The following C1orf94 variants were observed in gnomAD, a reference collection of about 807,000 sequenced individuals.
C1orf94 encodes the protein chromosome 1 open reading frame 94.
C1orf94 carries 45 observed loss-of-function variants against 53.6 expected under a neutral mutation model. The ratio of observed to expected loss-of-function variants is 0.84; its 90% CI spans 0.66 to 1.08. C1orf94 has a LOEUF of 1.08. Among genes scored for constraint, C1orf94 ranks in the 50% least tolerant of loss-of-function variants. The probability of loss-of-function intolerance (pLI) is 0.00; values close to 1 mark genes in which losing one functional copy is unlikely to be tolerated. For missense variants in C1orf94, 762 were observed against 738.9 expected (o/e 1.03, Z -0.36); for synonymous variants, 304 against 296.1 (o/e 1.03, Z -0.27).
upstream of C1orf94, among the ~76,000 whole-genome samples, chr1:34,175,202 T>A (rs6669240): frequency 0.17 from 25,980 of 151,054 alleles, 2,803 homozygotes; most frequent in East Asian, 0.51. Context: ...TTTTTTTTTT[T>A]TTTTTTTTGC....
Position 34,218,803 on chromosome 1 carries a change from G to T in C1orf94, c.*42G>T, listed in dbSNP as rs867875214. 1 of 1,511,144 alleles carries T rather than the reference G, an allele frequency of 6.6e-7. No individual in the cohort carries two copies. The highest frequency in any genetic ancestry group is 9.0e-7 in the Non-Finnish European group (1 of 1,112,232). The allele number at this position is 1,511,144 out of a possible 1,614,324, so 93.6% of individuals were successfully genotyped here. On this transcript the variant is annotated 3_prime_UTR_variant, in exon 7 of 7. Transcript: ENST00000488417. ...TCTCCTCCCTTAGCCCTTGGATCAG[G>T]ACTAGGGGCTCTGATTTTTGGATTC...
At chr1:34,208,509 G>A (rs1160934074) in intron 5 of C1orf94, among the ~76,000 whole-genome samples, 2 of 152,232 alleles carry the variant, frequency 1.3e-5, no homozygotes, top group African/African-American at 4.8e-5. Context: ...AAATTACCCT[G>A]TGAGGTAGGT....
At chr1:34,175,190 ATTTT>A (rs10608833), upstream of C1orf94, among the ~76,000 whole-genome samples, 171 of 133,286 alleles carry the variant, frequency 1.3e-3, 1 homozygote, top group African/African-American at 3.4e-3. Context: ...GCTGTATTTG[ATTTT>A]TTTTTTTTTT....
intron 1 of C1orf94, among the ~76,000 whole-genome samples, chr1:34,187,777 C>CCT (rs1642408089): frequency 1.7e-5 from 1 of 58,786 alleles, no homozygotes; most frequent in Non-Finnish European, 3.6e-5. Context: ...CCACCCCCCC[C>CCT]CCCCCGCCGC....
Position 34,183,173 on chromosome 1 carries a change from G to T in C1orf94, c.320+5064G>T, listed in dbSNP as rs549236192. On this transcript the variant is annotated intron_variant, in intron 1 of 6. Transcript: ENST00000488417. ...AAGAAATGGGGAGCAATGGGTTTTG[G>T]GGGAGAAATCAATAGTTCTGTCTAG... Among the ~76,000 whole-genome samples, 14 of 152,324 alleles carry T rather than the reference G, an allele frequency of 9.2e-5. No individual in the cohort carries two copies. In the South Asian group the frequency reaches 1.0e-3, roughly 11 times the overall value.
rs759779250 is a variant in C1orf94 at position 34,201,021 on chromosome 1, C to T, written c.1259C>T (p.Pro420Leu). 16 of 1,593,380 alleles carry T rather than the reference C, an allele frequency of 1.0e-5. No individual in the cohort carries two copies. In the East Asian group the frequency reaches 1.1e-4, roughly 11 times the overall value. The change falls in exon 3 of 7, where the codon CCG (proline) becomes CTG (leucine). Residue 420 changes from proline (P) to leucine (L), a missense_variant. Physicochemically the swap from Pro to Leu is moderately conservative, Grantham distance 98 (BLOSUM62 -3). Transcript: ENST00000488417. ...RLRNKVEVDGPELKFNAPVTV... is the reference protein window; with the variant it reads ...RLRNKVEVDGLELKFNAPVTV... ...CGAAACAAAGTGGAAGTGGATGGGCCGGAGCTGAAATGTGAGCTGACCTAC... is the reference window on the plus strand; with the variant it reads ...CGAAACAAAGTGGAAGTGGATGGGCTGGAGCTGAAATGTGAGCTGACCTAC...
chr1:34,189,001 T>C (rs921466941), intron 1 of C1orf94, among the ~76,000 whole-genome samples: 1 of 152,126 alleles, frequency 6.6e-6, no homozygotes, highest in Admixed American at 6.5e-5. Context: ...TCCTGCTGGT[T>C]TTCCAAGCAG....
chr1:34,175,102 C>T (rs1359881095), upstream of C1orf94, among the ~76,000 whole-genome samples: 1 of 152,084 alleles, frequency 6.6e-6, no homozygotes, highest in Non-Finnish European at 1.5e-5. Context: ...AAGTACATCA[C>T]TTAAGATTTT....
At position 34,218,932 on chromosome 1, in the gene C1orf94, G is replaced by T; in HGVS notation, c.*171G>T. 1 of 453,582 alleles carries T rather than the reference G, an allele frequency of 2.2e-6. No homozygotes were observed. Among genetic ancestry groups the T allele is most frequent in the East Asian group, 3.3e-5 (1 of 30,128 alleles). The allele number at this position is 453,582 out of a possible 1,614,324, so 28.1% of individuals were successfully genotyped here. On this transcript the variant is annotated 3_prime_UTR_variant, in exon 7 of 7. Coordinates refer to ENST00000488417, the MANE Select transcript of C1orf94 (RefSeq NM_001134734.2). ...ATTGGCCAACACTGACACAAAAATA[G>T]CCCTCCTCACACATGGCACAAGCTA...
chr1:34,180,685 G>C (rs1477274396), intron 1 of C1orf94, among the ~76,000 whole-genome samples: 1 of 152,242 alleles, frequency 6.6e-6, no homozygotes, highest in East Asian at 1.9e-4. Flanking sequence ...CACACACAGA[G>C]TGAAAAGCCA....
intron 1 of C1orf94, among the ~76,000 whole-genome samples, chr1:34,194,851 G>T (rs1571342694): frequency 6.6e-6 from 1 of 152,136 alleles, no homozygotes. Flanking sequence ...TGTATGGCTT[G>T]CTTTGCAAAG....
intron 1 of C1orf94, among the ~76,000 whole-genome samples, chr1:34,169,638 A>AGAGAGAGAGAGAGAGAGC (rs1305023423): frequency 2.0e-5 from 3 of 148,340 alleles, no homozygotes; most frequent in Admixed American, 6.7e-5. Flanking sequence ...AGAGAGAGTG[A>AGAGAGAGAGAGAGAGAGC]GCAAATGGGA....
intron 6 of C1orf94, among the ~76,000 whole-genome samples, chr1:34,214,912 C>A (rs1642957638): frequency 6.6e-6 from 1 of 152,116 alleles, no homozygotes; most frequent in South Asian, 2.1e-4. Flanking sequence ...GGGATGCAAG[C>A]CTGAGTACCC....
rs556951025 is a variant in C1orf94, at chr1:34,197,805, C to T, written c.901C>T (p.Pro301Ser). ...LLPPRPPPARPDKLPELPAQK... is the reference protein window; with the variant it reads ...LLPPRPPPARSDKLPELPAQK... ...GCCTCCCCGACCTCCTCCTGCACGT[C>T]CTGACAAGCTCCCTGAGCTCCCTGC... Residue 301 changes from proline to serine, a missense_variant, in exon 2 of 7, where the codon CCT becomes TCT. Pro to Ser is a moderately conservative substitution (Grantham distance 74). Coordinates refer to ENST00000488417, the MANE Select transcript of C1orf94 (RefSeq NM_001134734.2). This position sits in a 1 kb window ranked among gnomAD's most constrained non-coding sequence, Gnocchi z 4.1. 9 of 1,614,242 alleles carry T rather than the reference C, an allele frequency of 5.6e-6. No homozygotes were observed. Among genetic ancestry groups the T allele is most frequent in the African/African-American group, 5.3e-5 (4 of 75,074 alleles).
intron 1 of C1orf94, among the ~76,000 whole-genome samples, chr1:34,168,466 G>T (rs1224456094): frequency 6.6e-6 from 1 of 152,086 alleles, no homozygotes. Context: ...AGATCACATA[G>T]GGTCTATTAG....
intron 1 of C1orf94, among the ~76,000 whole-genome samples, chr1:34,194,802 T>C (rs1329296090): frequency 6.6e-6 from 1 of 152,220 alleles, no homozygotes; most frequent in Admixed American, 6.5e-5. Context: ...AAAATTGACC[T>C]AATTGTACTG....
upstream of C1orf94, among the ~76,000 whole-genome samples, chr1:34,174,561 A>C (rs1571332736): frequency 6.6e-6 from 1 of 152,222 alleles, no homozygotes; most frequent in East Asian, 1.9e-4. Flanking sequence ...TCCTAATCTA[A>C]TATGACTGGT....
intron 1 of C1orf94, among the ~76,000 whole-genome samples, chr1:34,183,711 C>A (rs180794207): frequency 6.6e-6 from 1 of 152,178 alleles, no homozygotes; most frequent in East Asian, 1.9e-4. Context: ...CAAAAATCAG[C>A]TGAGCGTGGT....
chr1:34,208,340 C>A (rs1642833822), intron 5 of C1orf94, 106 bp downstream of exon 5: 1 of 1,122,398 alleles, frequency 8.9e-7, no homozygotes, highest in Non-Finnish European at 1.3e-6. Flanking sequence ...AGACACCTGG[C>A]CCACCATTGG....
Sources: gnomAD v4.1 joint callset for allele counts (sites outside exome capture counted in the v4.1 genomes callset) on GRCh38, gnomAD v4.1.1 for gene constraint, Gnocchi (gnomAD v3.1) non-coding constraint, MANE v1.5 for transcripts, NCBI Gene and HGNC (gene_info 2026-07-23, HGNC 2026-07-21) for gene names.